MCCC1: variants seen among roughly 807,000 people sequenced by gnomAD.
MCCC1 encodes methylcrotonyl-CoA carboxylase subunit 1.
A neutral mutation model predicts 83.8 loss-of-function variants in MCCC1; 64 were observed. That is an observed-to-expected ratio of 0.76 (90% CI 0.62 to 0.94). The LOEUF is 0.94. Ranked by LOEUF, MCCC1 falls within the 40% of genes least tolerant of loss-of-function variation. MCCC1 has a pLI of 0.00. For missense variants in MCCC1, 807 were observed against 904.7 expected (o/e 0.89, Z 1.39); for synonymous variants, 322 against 315.4 (o/e 1.02, Z -0.22).
upstream of MCCC1, among the ~76,000 whole-genome samples, chr3:183,100,484 C>T (rs1015342571): frequency 6.6e-6 from 1 of 152,174 alleles, no homozygotes; most frequent in Non-Finnish European, 1.5e-5. Flanking sequence ...GAAAATTCCA[C>T]ACAAATGAGT....
intron 1 of MCCC1, 159 bp downstream of exon 1, chr3:183,099,193 C>A (rs1000563242): frequency 2.6e-6 from 2 of 762,166 alleles, no homozygotes; most frequent in South Asian, 3.3e-5. Context: ...TTCCTCCCGA[C>A]GCCGTGACTG....
At chr3:183,043,281 C>T (rs1714268489) in intron 10 of MCCC1, among the ~76,000 whole-genome samples, 1 of 152,226 alleles carries the variant, frequency 6.6e-6, no homozygotes, top group Non-Finnish European at 1.5e-5. Context: ...GAGCAAAACT[C>T]TGTCTCTTGT....
chr3:183,054,423 G>A (rs191812241), intron 8 of MCCC1, among the ~76,000 whole-genome samples: 11 of 151,874 alleles, frequency 7.2e-5, no homozygotes, highest in African/African-American at 2.2e-4. Context: ...TCCTGACCTC[G>A]TGATTCACCC....
intron 8 of MCCC1, among the ~76,000 whole-genome samples, chr3:183,054,040 T>TGC (rs1715213720): frequency 4.9e-5 from 7 of 141,688 alleles, no homozygotes; most frequent in East Asian, 2.2e-4. Flanking sequence ...TGCCACCACA[T>TGC]CCAGATAATT....
upstream of MCCC1, among the ~76,000 whole-genome samples, chr3:183,101,708 C>G (rs1187963182): frequency 6.6e-6 from 1 of 152,068 alleles, no homozygotes; most frequent in Non-Finnish European, 1.5e-5. Flanking sequence ...TGCTCGGGTC[C>G]CATTCCACGC....
rs146869335 is a variant in MCCC1, at chr3:183,020,693, G to A, written c.1870-456C>T. On this transcript the variant is annotated intron_variant, in intron 16 of 18. Coordinates refer to ENST00000265594, the MANE Select transcript of MCCC1 (RefSeq NM_020166.5). The stretch of plus-strand genomic sequence containing the variant: ...TTCTAATCTAGCTTTATGACCTTGA[G>A]CAAATTATTAAACCTCTCTCAGCCT... Among the ~76,000 whole-genome samples the A allele has an allele frequency of 8.2e-4, 125 of 152,136 alleles. 2 individuals are homozygous for A. The East Asian group carries it at 0.01, about 12-fold the overall frequency.
chr3:183,102,518 CTT>C (rs1358648514), upstream of MCCC1, among the ~76,000 whole-genome samples: 1 of 151,828 alleles, frequency 6.6e-6, no homozygotes, highest in Non-Finnish European at 1.5e-5. Flanking sequence ...AAGAGAAAAA[CTT>C]ATATTCACAG....
intron 7 of MCCC1, 28 bp from the exon 8 acceptor site, chr3:183,057,450 T>C (rs1411216106): frequency 1.3e-6 from 2 of 1,521,336 alleles, no homozygotes; most frequent in Admixed American, 1.8e-5. Flanking sequence ...TGTATGTTAA[T>C]ATATTTGTTA....
upstream of MCCC1, chr3:183,099,605 C>T (rs566439103): frequency 7.6e-6 from 6 of 787,992 alleles, no homozygotes; most frequent in Non-Finnish European, 1.2e-5. Flanking sequence ...TCTCCACGAA[C>T]ACCAATCAAA....
intron 5 of MCCC1, among the ~76,000 whole-genome samples, chr3:183,071,869 A>ATTTTT (rs377212072): frequency 2.3e-5 from 3 of 132,786 alleles, no homozygotes; most frequent in South Asian, 2.4e-4. Context: ...ACCCAGCTGA[A>ATTTTT]TTTTTTTTTT....
intron 7 of MCCC1, among the ~76,000 whole-genome samples, chr3:183,070,294 A>G (rs796260048): frequency 6.6e-6 from 1 of 152,204 alleles, no homozygotes; most frequent in African/African-American, 2.4e-5. Context: ...TTGAAAAAAA[A>G]CCCTAAATTT....
At chr3:183,113,526 G>A (rs989099372) in intron 1 of MCCC1, among the ~76,000 whole-genome samples, 9 of 151,078 alleles carry the variant, frequency 6.0e-5, no homozygotes, top group African/African-American at 2.2e-4. Context: ...TAACAAACCT[G>A]CACATTGTGC....
Position 183,075,345 on chromosome 3 carries a change from T to C in MCCC1, c.370-2858A>G, listed in dbSNP as rs536099592. Among the ~76,000 whole-genome samples, 35 of 152,338 alleles carry C rather than the reference T, an allele frequency of 2.3e-4. No individual in the cohort carries two copies. In the South Asian group the frequency reaches 7.0e-3, roughly 31 times the overall value. ...CACTCCTACCAACAGTGTATAAGCG[T>C]TCCCTTTTCTCCACAACCTCCTGAC... On this transcript the variant is annotated intron_variant, in intron 4 of 18. Transcript: ENST00000265594.
rs1279522271 is a variant in MCCC1, at chr3:183,025,805, C to G, written c.1682-1G>C. 6.2e-7 allele frequency: 1 copy of G among 1,612,462 alleles called. No homozygotes were observed. Among genetic ancestry groups the G allele is most frequent in the Non-Finnish European group, 8.5e-7 (1 of 1,178,864 alleles). ...TTATACGTTACAGCTATGGCTACAT[C>G]TTTATGGAAAAAGGGAAAAAATGAA... On this transcript the variant is annotated splice_acceptor_variant, in intron 14 of 18. Transcript: ENST00000265594. LOFTEE classifies it high-confidence loss of function.
intron 8 of MCCC1, 112 bp from the exon 9 acceptor site, chr3:183,052,352 G>A: frequency 1.2e-6 from 1 of 858,916 alleles, no homozygotes; most frequent in Non-Finnish European, 1.9e-6. Context: ...GTCAACAACA[G>A]ACCACATATA....
chr3:183,115,475 T>G (rs1460329728), exon 1 of MCCC1: 1 of 152,300 alleles, frequency 6.6e-6, no homozygotes, highest in Non-Finnish European at 1.5e-5. Context: ...AGTACTCACC[T>G]GGGTCCAGCC....
Position 183,099,374 on chromosome 3 carries a change from G to T in MCCC1, c.67C>A (p.Pro23Thr). 1 of 1,602,618 alleles carries T rather than the reference G, an allele frequency of 6.2e-7. No homozygotes were observed. Among genetic ancestry groups the T allele is most frequent in the Non-Finnish European group, 8.5e-7 (1 of 1,176,556 alleles). ...AAERNRWHRL[P>T]SLLLPPRTWV... Reference sequence around the variant, plus strand: ...CACCTCGGCGGCAGGAGCAGGCTCGGGAGACGATGCCACCGGTTCCTCTCC... The same window carrying T: ...CACCTCGGCGGCAGGAGCAGGCTCGTGAGACGATGCCACCGGTTCCTCTCC... The change falls in exon 1 of 19, where the codon CCG (proline) becomes ACG (threonine). Residue 23 changes from proline (P) to threonine (T), a missense_variant. By Grantham distance (38) the Pro-to-Thr change is conservative (BLOSUM62 -1). Transcript: ENST00000265594.
At chr3:183,093,582 A>T (rs1718518784) in intron 2 of MCCC1, among the ~76,000 whole-genome samples, 1 of 152,228 alleles carries the variant, frequency 6.6e-6, no homozygotes, top group South Asian at 2.1e-4. Flanking sequence ...ACGTGAAATA[A>T]ATGTTCTTTG....
intron 4 of MCCC1, 135 bp downstream of exon 4, chr3:183,086,558 G>T: frequency 1.3e-6 from 1 of 798,290 alleles, no homozygotes; most frequent in Non-Finnish European, 2.1e-6. Flanking sequence ...GACATGCCTA[G>T]TTTACAATGA....
Sources: allele counts gnomAD v4.1 joint callset (sites outside exome capture counted in the v4.1 genomes callset), GRCh38; gene constraint gnomAD v4.1.1; transcripts MANE v1.5; gene names NCBI Gene and HGNC (gene_info 2026-07-23, HGNC 2026-07-21).